The following LINGO2 variants were observed in gnomAD, a reference collection of about 807,000 sequenced individuals.
The protein encoded by LINGO2 is leucine-rich repeat and immunoglobulin-like domain-containing nogo receptor-interacting protein 2.
Under a neutral mutation model 30.6 loss-of-function variants are expected in LINGO2, and 14 were observed. The observed-to-expected ratio is 0.46, with a 90% CI of 0.30 to 0.72. The LOEUF (loss-of-function observed/expected upper bound fraction) is 0.72, where lower values mean the gene tolerates loss of function less well. LINGO2 is among the 30% of genes least tolerant of loss of function. LINGO2 has a pLI of 0.07. For synonymous variants in LINGO2, 317 were observed against 288.5 expected (o/e 1.10, Z -1.00); for missense variants, 729 against 751.7 (o/e 0.97, Z 0.35).
At position 28,547,468 on chromosome 9, in the gene LINGO2, C is replaced by T. The variant is rs553115200; in HGVS notation, c.-364-71443G>A. 7.2e-5 allele frequency among the ~76,000 whole-genome samples: 11 copies of T among 152,160 alleles called. No homozygotes were observed. In the South Asian group the frequency reaches 2.3e-3, roughly 32 times the overall value. On this transcript the variant is annotated intron_variant, in intron 1 of 5. Transcript: ENST00000379992. ...CCATTAACTAGAGATAGCAACTTTGCTCTTAATAGAAACACTAAATTACTG... is the reference window on the plus strand; with the variant it reads ...CCATTAACTAGAGATAGCAACTTTGTTCTTAATAGAAACACTAAATTACTG...
At chr9:29,042,626 C>A in the LINGO2 span, among the ~76,000 whole-genome samples, 1 of 151,808 alleles carries the variant, frequency 6.6e-6, no homozygotes, top group African/African-American at 2.4e-5. Flanking sequence ...GTAACTTTTA[C>A]CTTTAAAACG....
intron 4 of LINGO2, among the ~76,000 whole-genome samples, chr9:28,294,356 A>G (rs1158485899): frequency 1.3e-5 from 2 of 152,188 alleles, no homozygotes; most frequent in Non-Finnish European, 2.9e-5. Context: ...TAAATAAAGG[A>G]ATTTTACATA....
At chr9:28,452,414 C>T (rs1301522699) in intron 2 of LINGO2, among the ~76,000 whole-genome samples, 1 of 151,772 alleles carries the variant, frequency 6.6e-6, no homozygotes, top group Non-Finnish European at 1.5e-5. Flanking sequence ...GGAAACTCTG[C>T]ATATTATGAA....
At chr9:28,022,926 T>G (rs1330870854) in intron 4 of LINGO2, among the ~76,000 whole-genome samples, 1 of 152,082 alleles carries the variant, frequency 6.6e-6, no homozygotes, top group Admixed American at 6.6e-5. Context: ...TCTTAAAAGC[T>G]CATTGTTTCT....
At chr9:28,399,003 G>A (rs1366181067) in intron 2 of LINGO2, among the ~76,000 whole-genome samples, 3 of 152,116 alleles carry the variant, frequency 2.0e-5, no homozygotes, top group Admixed American at 1.3e-4. Context: ...GTAGGACAAA[G>A]GGGATAATAT....
At chr9:29,124,307 T>C in the LINGO2 span, among the ~76,000 whole-genome samples, 4 of 151,808 alleles carry the variant, frequency 2.6e-5, no homozygotes, top group African/African-American at 9.7e-5. Flanking sequence ...ACTATAAAAA[T>C]CCTAGAAGAA....
chr9:28,983,262 T>C, the LINGO2 span, among the ~76,000 whole-genome samples: 18 of 150,206 alleles, frequency 1.2e-4, no homozygotes, highest in East Asian at 9.8e-4. Context: ...CTAAAATACA[T>C]ACTACCTGGC....
At chr9:27,948,652 G>A in exon 6 of LINGO2, 1 of 632,176 alleles carries the variant, frequency 1.6e-6, no homozygotes, top group Non-Finnish European at 2.8e-6. Context: ...ATCCCACTGT[G>A]TGAAGGGCTC....
In LINGO2 at chr9:28,043,369, CCT is replaced by C. The variant is rs200374039; in HGVS notation, c.-86-30966_-86-30965del. Among the ~76,000 whole-genome samples, 1,239 of 152,260 alleles carry C rather than the reference CCT, an allele frequency of 8.1e-3. 15 individuals carry two copies. Among genetic ancestry groups the C allele is most frequent in the African/African-American group, 0.025 (1,028 of 41,544 alleles). On this transcript the variant is annotated intron_variant, in intron 4 of 5. Coordinates refer to ENST00000379992, the Ensembl canonical transcript of LINGO2. ...ATGAATAACTCAAGTGAACTGACTA[CCT>C]CTCTTTACTGTACACATTGAGGAAG... is the stretch of plus-strand genomic sequence containing the variant.
At chr9:29,180,525 T>C in the LINGO2 span, among the ~76,000 whole-genome samples, 3 of 152,148 alleles carry the variant, frequency 2.0e-5, no homozygotes, top group African/African-American at 7.2e-5. Context: ...AAATCCTATA[T>C]GTCTCTCCTG....
At chr9:28,723,771 G>A in the LINGO2 span, among the ~76,000 whole-genome samples, 2 of 151,868 alleles carry the variant, frequency 1.3e-5, no homozygotes, top group Non-Finnish European at 2.9e-5. Context: ...TTTTTCATAG[G>A]AAACATAAAG....
chr9:28,409,058 A>G (rs917080286), intron 2 of LINGO2, among the ~76,000 whole-genome samples: 6 of 152,082 alleles, frequency 3.9e-5, no homozygotes, highest in African/African-American at 1.4e-4. Flanking sequence ...CCTCCCTTGC[A>G]TCACCTTAAC....
chr9:27,947,694 G>A (rs1450646477), downstream of LINGO2, among the ~76,000 whole-genome samples: 1 of 152,166 alleles, frequency 6.6e-6, no homozygotes, highest in Non-Finnish European at 1.5e-5. Flanking sequence ...TAGCATGCAG[G>A]CAGCTATCAT....
the LINGO2 span, among the ~76,000 whole-genome samples, chr9:28,860,173 C>A: frequency 6.6e-6 from 1 of 152,128 alleles, no homozygotes; most frequent in Non-Finnish European, 1.5e-5. Flanking sequence ...AAATTTATTT[C>A]ATTGGAAAAA....
At chr9:28,085,672 A>C (rs1825889735) in intron 4 of LINGO2, among the ~76,000 whole-genome samples, 1 of 152,118 alleles carries the variant, frequency 6.6e-6, no homozygotes, top group East Asian at 1.9e-4. Flanking sequence ...CAGCGATCCC[A>C]GAGAATGAGG....
chr9:28,432,161 T>C (rs978902157), intron 2 of LINGO2, among the ~76,000 whole-genome samples: 21 of 152,074 alleles, frequency 1.4e-4, no homozygotes, highest in African/African-American at 5.1e-4. Context: ...ACAGATGAGA[T>C]ATTATTTAGG....
chr9:28,757,330 C>T, the LINGO2 span, among the ~76,000 whole-genome samples: 176 of 152,128 alleles, frequency 1.2e-3, no homozygotes, highest in Middle Eastern at 6.8e-3. Flanking sequence ...ATTCTTCTCA[C>T]AGATCCATCT....
At chr9:29,172,296 A>C in the LINGO2 span, among the ~76,000 whole-genome samples, 5 of 151,484 alleles carry the variant, frequency 3.3e-5, no homozygotes, top group Admixed American at 1.3e-4. Context: ...CACTTATGTT[A>C]ATATGAACCT....
At chr9:28,850,901 C>T in the LINGO2 span, among the ~76,000 whole-genome samples, 1 of 151,974 alleles carries the variant, frequency 6.6e-6, no homozygotes, top group Non-Finnish European at 1.5e-5. Flanking sequence ...GTGTCAGATA[C>T]AGGTTTGACT....
Sources: allele counts gnomAD v4.1 joint callset (sites outside exome capture counted in the v4.1 genomes callset), GRCh38; gene constraint gnomAD v4.1.1; transcripts MANE v1.5; gene names NCBI Gene and HGNC (gene_info 2026-07-23, HGNC 2026-07-21).